PFKFB2: variants seen among roughly 807,000 people sequenced by gnomAD.
PFKFB2 encodes 6-phosphofructo-2-kinase/fructose-2,6-bisphosphatase 2.
A neutral mutation model predicts 68.0 loss-of-function variants in PFKFB2; 53 were observed. The observed-to-expected ratio is 0.78, with a 90% CI of 0.63 to 0.98. The LOEUF is 0.98. Ranked by LOEUF, PFKFB2 falls within the 50% of genes least tolerant of loss-of-function variation. The pLI is 0.00. For missense variants in PFKFB2, 451 were observed against 642.0 expected (o/e 0.70, Z 3.22); for synonymous variants, 222 against 227.6 (o/e 0.98, Z 0.22).
chr1:207,069,231 GGTCCTC>G (rs1422442291), intron 10 of PFKFB2, among the ~76,000 whole-genome samples, 187 bp from the exon 11 acceptor site: 1 of 152,120 alleles, frequency 6.6e-6, no homozygotes, highest in Non-Finnish European at 1.5e-5. Flanking sequence ...TTCCGGCAGT[GGTCCTC>G]ACCCGGTGAG....
At chr1:207,042,964 G>GTTGAT (rs1558051732) in intron 2 of PFKFB2, among the ~76,000 whole-genome samples, 35 of 151,948 alleles carry the variant, frequency 2.3e-4, no homozygotes, top group African/African-American at 7.7e-4. Flanking sequence ...GAGATCTCTC[G>GTTGAT]CAAGTTGATT....
At chr1:207,036,964 T>C (rs1440406535) in intron 1 of PFKFB2, among the ~76,000 whole-genome samples, 1 of 152,236 alleles carries the variant, frequency 6.6e-6, no homozygotes, top group Non-Finnish European at 1.5e-5. Flanking sequence ...TTTACCCCAC[T>C]ATCTCTTTGT....
Position 207,063,647 on chromosome 1 carries a change from T to G in PFKFB2, c.451-126T>G. 1.2e-6 allele frequency: 1 copy of G among 856,688 alleles called. No individual in the cohort carries two copies. The highest frequency in any genetic ancestry group is 2.0e-6 in the Non-Finnish European group (1 of 498,566). The allele number at this position is 856,688 out of a possible 1,614,324, so 53.1% of individuals were successfully genotyped here. ...TGTGGTAAGAGCTATGAGGAGGACT[T>G]GAGGGCCACTTTCATGAAGAAAATC... On this transcript the variant is annotated intron_variant, in intron 6 of 14. Transcript: ENST00000367080. The surrounding 1 kb of genome is among the most constrained non-coding windows in gnomAD (Gnocchi z 4.1).
rs187127494 is a variant in PFKFB2 at position 207,041,014 on chromosome 1, C to T, written c.-61-1155C>T. Among the ~76,000 whole-genome samples, 71 of 150,478 alleles carry T rather than the reference C, an allele frequency of 4.7e-4. 1 individual carries two copies. In the East Asian group the frequency reaches 0.01, roughly 22 times the overall value. On this transcript the variant is annotated intron_variant, in intron 1 of 5. Coordinates refer to the PFKFB2 transcript ENST00000545806. ...CGCTATCTCGGCTCACTGCAAGCTC[C>T]GCCTCCCAGGTTCACGCCATTCTCC...
intron 2 of PFKFB2, chr1:207,046,899 C>T (rs141529894): frequency 4.5e-4 from 68 of 152,106 alleles, no homozygotes; most frequent in Admixed American, 2.0e-3. Flanking sequence ...ATTTGTTGCA[C>T]GAATAAACTT....
Position 207,070,280 on chromosome 1 carries a change from T to A in PFKFB2, c.1093T>A (p.Ser365Thr). The stretch of plus-strand genomic sequence containing the variant: ...CAGCCTGCCCCATTTCCCTCCACAG[T>A]CATACCAGGACCTGGTGCAGCGGCT... The part of the protein sequence containing the change: ...KYLYRYPGGE[S>T]YQDLVQRLEP... Residue 365 changes from serine to threonine, a missense_variant and splice_region_variant, in exon 12 of 15, where the codon TCA becomes ACA. Physicochemically the swap from Ser to Thr is moderately conservative, Grantham distance 58 (BLOSUM62 1). Transcript: ENST00000367080. This position sits in a 1 kb window ranked among gnomAD's most constrained non-coding sequence, Gnocchi z 4.2. 1 of 1,612,918 alleles carries A rather than the reference T, an allele frequency of 6.2e-7. No homozygotes were observed. The highest frequency in any genetic ancestry group is 8.5e-7 in the Non-Finnish European group (1 of 1,179,852).
chr1:207,053,736 G>A (rs149331734), intron 1 of PFKFB2, among the ~76,000 whole-genome samples: 76 of 152,156 alleles, frequency 5.0e-4, no homozygotes, highest in Admixed American at 2.0e-3. Context: ...AGTCCCGGGG[G>A]TAACTAGGGA....
chr1:207,059,743 G>A (rs1209600375), intron 2 of PFKFB2, among the ~76,000 whole-genome samples: 1 of 151,950 alleles, frequency 6.6e-6, no homozygotes. Context: ...AACACCCTTA[G>A]GAAACTTTTC....
chr1:207,058,078 G>C (rs1682983770), intron 2 of PFKFB2, among the ~76,000 whole-genome samples: 1 of 152,196 alleles, frequency 6.6e-6, no homozygotes, highest in Admixed American at 6.5e-5. Flanking sequence ...AATATTTTAA[G>C]ATATTTGATG....
Position 207,074,179 on chromosome 1 carries a change from G to A in PFKFB2, c.*1808G>A. The A allele has an allele frequency of 1.0e-6, 1 of 984,594 alleles. No homozygotes were observed. The highest frequency in any genetic ancestry group is 1.2e-6 in the Non-Finnish European group (1 of 829,218). The allele number at this position is 984,594 out of a possible 1,614,324, so 61.0% of individuals were successfully genotyped here. On this transcript the variant is annotated 3_prime_UTR_variant, in exon 15 of 15. Transcript: ENST00000367080. ...GCTCGGGTTAAGAACTCCACCTTAGGAAGTTAGGTGGAAAAATACTGGATA... is the reference window on the plus strand; with the variant it reads ...GCTCGGGTTAAGAACTCCACCTTAGAAAGTTAGGTGGAAAAATACTGGATA...
intron 2 of PFKFB2, among the ~76,000 whole-genome samples, chr1:207,057,580 G>A (rs1365603975): frequency 7.0e-6 from 1 of 141,944 alleles, no homozygotes; most frequent in Non-Finnish European, 1.5e-5. Flanking sequence ...ATTCTTCCAT[G>A]TACCTTTCCC....
At position 207,073,177 on chromosome 1, in the gene PFKFB2, T is replaced by C; in HGVS notation, c.*806T>C. On this transcript the variant is annotated 3_prime_UTR_variant, in exon 15 of 15. Transcript: ENST00000367080. ...TCGATGCCCTGGGAGAATCTGGCTCTGAGCATGTGGGAAATGTCTTGGTTT... is the reference window on the plus strand; with the variant it reads ...TCGATGCCCTGGGAGAATCTGGCTCCGAGCATGTGGGAAATGTCTTGGTTT... 3.0e-6 allele frequency: 3 copies of C among 985,618 alleles called. No homozygotes were observed. Among genetic ancestry groups the C allele is most frequent in the Non-Finnish European group, 3.6e-6 (3 of 830,036 alleles). The allele number at this position is 985,618 out of a possible 1,614,324, so 61.1% of individuals were successfully genotyped here.
chr1:207,063,297 G>T lies in PFKFB2; in HGVS notation c.376-50G>T. 2 of 1,584,100 alleles carry T rather than the reference G, an allele frequency of 1.3e-6. No homozygotes were observed. Among genetic ancestry groups the T allele is most frequent in the Non-Finnish European group, 1.7e-6 (2 of 1,152,688 alleles). On this transcript the variant is annotated intron_variant, in intron 5 of 14. Coordinates refer to ENST00000367080, the MANE Select transcript of PFKFB2 (RefSeq NM_006212.2). This position sits in a 1 kb window ranked among gnomAD's most constrained non-coding sequence, Gnocchi z 4.1. ...CCCCACCTTGAGTCTGCCCTGGTGG[G>T]GTTCTGTTTCTCTGTTCCTGCTCAT...
intron 1 of PFKFB2, among the ~76,000 whole-genome samples, chr1:207,039,976 T>C (rs1385774664): frequency 6.6e-6 from 1 of 152,172 alleles, no homozygotes; most frequent in Admixed American, 6.5e-5. Context: ...AGAACAGGCA[T>C]CAGAGTTCAG....
chr1:207,062,086 T>C lies in PFKFB2; in HGVS notation c.211+8T>C, dbSNP rs80072806. 1.7e-3 allele frequency: 2,733 copies of C among 1,614,068 alleles called. 52 individuals carry two copies. In the African/African-American group the frequency reaches 0.034, roughly 20 times the overall value. On this transcript the variant is annotated splice_region_variant and intron_variant, in intron 3 of 14. Coordinates refer to ENST00000367080, the MANE Select transcript of PFKFB2 (RefSeq NM_006212.2). ...TTGGAGTCCCCACCAAAGGTAAGTG[T>C]GGCTCATTCCCTAGGAAAGACAATT...
intron 2 of PFKFB2, chr1:207,043,816 A>C (rs749717522): frequency 1.3e-5 from 2 of 152,618 alleles, no homozygotes; most frequent in Admixed American, 1.3e-4. Flanking sequence ...TTCAGTGGCC[A>C]TATCTGCCCT....
Position 207,062,837 on chromosome 1 carries a change from T to C in PFKFB2, c.308+121T>C, listed in dbSNP as rs898333520. 6 of 994,476 alleles carry C rather than the reference T, an allele frequency of 6.0e-6. No homozygotes were observed. In the African/African-American group the frequency reaches 8.1e-5, roughly 13 times the overall value. The allele number at this position is 994,476 out of a possible 1,614,324, so 61.6% of individuals were successfully genotyped here. A position where few individuals can be genotyped will look rare whatever the true frequency, so the allele number is the denominator to read the frequency against. On this transcript the variant is annotated intron_variant, in intron 4 of 14. Coordinates refer to ENST00000367080, the MANE Select transcript of PFKFB2 (RefSeq NM_006212.2). ...TTAAGGGGAAGTTAAATGGAAGTTATCTGATGGGCAAGTGACCTTGGGCTT... is the reference window on the plus strand; with the variant it reads ...TTAAGGGGAAGTTAAATGGAAGTTACCTGATGGGCAAGTGACCTTGGGCTT...
upstream of PFKFB2, chr1:207,050,976 G>A (rs549752987): frequency 2.1e-5 from 33 of 1,541,828 alleles, no homozygotes; most frequent in East Asian, 5.8e-4. Context: ...ACGCCGCCGG[G>A]GAAACCAGGC....
intron 3 of PFKFB2, 95 bp from the exon 4 acceptor site, chr1:207,062,525 C>A: frequency 1.3e-6 from 2 of 1,545,622 alleles, no homozygotes; most frequent in Non-Finnish European, 1.7e-6. Flanking sequence ...TTTTTTCATC[C>A]CCTTGGTCAC....
Sources: allele counts gnomAD v4.1 joint callset (sites outside exome capture counted in the v4.1 genomes callset), GRCh38; gene constraint gnomAD v4.1.1; non-coding constraint Gnocchi (gnomAD v3.1); transcripts MANE v1.5; gene names NCBI Gene and HGNC (gene_info 2026-07-23, HGNC 2026-07-21).